The following CLCN3 variants were observed in gnomAD, a reference collection of about 807,000 sequenced individuals.
CLCN3 encodes the protein Cl-/H+ antiporter 3, also known as H(+)/Cl(-) exchange transporter 3.
CLCN3 carries 16 observed loss-of-function variants against 83.4 expected under a neutral mutation model. That is an observed-to-expected ratio of 0.19 (90% confidence interval 0.13 to 0.29). The LOEUF is 0.29. Among genes scored for constraint, CLCN3 ranks in the 10% least tolerant of loss-of-function variants. The pLI, the probability that CLCN3 is intolerant of heterozygous loss-of-function variation, is 1.00. For missense variants in CLCN3, 544 were observed against 1,006.0 expected (o/e 0.54, Z 6.21); for synonymous variants, 322 against 346.2 (o/e 0.93, Z 0.78).
rs769810828 is a variant in CLCN3, at chr4:169,687,659, T to C, written c.320T>C (p.Ile107Thr). 1 of 1,602,854 alleles carries C rather than the reference T, an allele frequency of 6.2e-7. No individual in the cohort carries two copies. The highest frequency in any genetic ancestry group is 1.1e-5 in the South Asian group (1 of 89,956). Residue 107 changes from isoleucine (I) to threonine (T), a missense_variant and splice_region_variant, in exon 4 of 13, where the codon ATC becomes ACC. Physicochemically the swap from Ile to Thr is moderately conservative, Grantham distance 89. This residue lies in a region of CLCN3 where 96 missense variants were observed against 202.1 expected (regional missense o/e 0.48). Transcript: ENST00000513761. ...AAGCATAAACATTTCTAATTTCAGA[T>C]CAACAGCAAAAAGAAAGAATCAGCA... Reference protein sequence around the residue: ...KCKDRERHRRINSKKKESAWE... With the variant: ...KCKDRERHRRTNSKKKESAWE...
chr4:169,672,070 G>C (rs1033358335), intron 2 of CLCN3, among the ~76,000 whole-genome samples: 1 of 151,920 alleles, frequency 6.6e-6, no homozygotes, highest in African/African-American at 2.4e-5. Flanking sequence ...AAATTAGCCG[G>C]GCGTGGTGGT....
intron 2 of CLCN3, among the ~76,000 whole-genome samples, chr4:169,673,564 A>C (rs1046931644): frequency 6.0e-5 from 9 of 149,392 alleles, no homozygotes; most frequent in African/African-American, 2.2e-4. Context: ...TAGAAATTTC[A>C]CTTTTTTTTT....
chr4:169,723,540 T>G lies in CLCN3; in HGVS notation c.*3543T>G, dbSNP rs1733702206. On this transcript the variant is annotated 3_prime_UTR_variant, in exon 13 of 13. Coordinates refer to ENST00000513761, the MANE Select transcript of CLCN3 (RefSeq NM_001829.4). Reference sequence around the variant, plus strand: ...TTTGCATGAAAAGAGGTAAAACGATTTATTTACATGTCTTTAAAAAATCAC... The same window carrying G: ...TTTGCATGAAAAGAGGTAAAACGATGTATTTACATGTCTTTAAAAAATCAC... 1 of 152,202 alleles carries G rather than the reference T, an allele frequency of 6.6e-6. No individual in the cohort carries two copies. The highest frequency in any genetic ancestry group is 2.4e-5 in the African/African-American group (1 of 41,456). 9.4% of individuals were successfully genotyped at this position (152,202 alleles called of 1,614,324 possible).
intron 3 of CLCN3, among the ~76,000 whole-genome samples, chr4:169,680,937 C>T (rs1731913320): frequency 6.6e-6 from 1 of 152,200 alleles, no homozygotes; most frequent in Non-Finnish European, 1.5e-5. Flanking sequence ...CACCCTCCGC[C>T]TCCTGGATTC....
rs182426229 is a variant in CLCN3, at chr4:169,620,590, C to A, written c.-490C>A. ...ACTCCTGCCGCTTCTCTTCCCCTTC[C>A]GTGGGTCAGGGCCGGTCCGGTCCGG... On this transcript the variant is annotated 5_prime_UTR_variant, in exon 1 of 13. Transcript: ENST00000513761. The A allele has an allele frequency of 1.0e-5, 4 of 396,918 alleles. No individual in the cohort carries two copies. The highest frequency in any genetic ancestry group is 6.2e-4 in the Middle Eastern group (1 of 1,606). The allele number at this position is 396,918 out of a possible 1,614,324, so 24.6% of individuals were successfully genotyped here.
chr4:169,648,287 G>A (rs62334535), intron 2 of CLCN3, among the ~76,000 whole-genome samples: 17,809 of 152,060 alleles, frequency 0.12, 1,144 homozygotes, highest in East Asian at 0.17. Context: ...TAACAATTGG[G>A]GAAACTATGA....
rs1011078600 is a variant in CLCN3 at position 169,647,392 on chromosome 4, GA to G, written c.160+11313del. Among the ~76,000 whole-genome samples the G allele has an allele frequency of 9.9e-5, 15 of 150,860 alleles. No individual in the cohort carries two copies. The South Asian group carries it at 3.1e-3, about 32-fold the overall frequency. On this transcript the variant is annotated intron_variant, in intron 2 of 12. Transcript: ENST00000513761. ...GTGACAGAGCAAGACCCCATCTCAA[GA>G]AAAAAAAATCTTATATAGTTAACTT...
At chr4:169,631,414 G>A (rs962215517) in intron 1 of CLCN3, among the ~76,000 whole-genome samples, 6 of 152,122 alleles carry the variant, frequency 3.9e-5, no homozygotes, top group African/African-American at 1.4e-4. Context: ...AGCCTCCGGA[G>A]TAGCTGGGAC....
rs561414549 is a variant in CLCN3 at position 169,704,166 on chromosome 4, G to A, written c.1732G>A (p.Gly578Ser). The change falls in exon 10 of 13, where the codon GGT (glycine) becomes AGT (serine). Residue 578 changes from glycine to serine, a missense_variant. Physicochemically the swap from Gly to Ser is moderately conservative, Grantham distance 56 (BLOSUM62 0). This residue lies in a region of CLCN3 where 27 missense variants were observed against 100.2 expected (regional missense o/e 0.27). Coordinates refer to ENST00000513761, the MANE Select transcript of CLCN3 (RefSeq NM_001829.4). ...TACACCTGGCCTTTATGCCATGGTTGGTGCTGCTGCATGCTTAGGTAATAT... is the reference window on the plus strand; with the variant it reads ...TACACCTGGCCTTTATGCCATGGTTAGTGCTGCTGCATGCTTAGGTAATAT... Reference protein sequence around the residue: ...CITPGLYAMVGAAACLGGVTR... With the variant: ...CITPGLYAMVSAAACLGGVTR... 6.2e-7 allele frequency: 1 copy of A among 1,612,588 alleles called. No individual in the cohort carries two copies. The highest frequency in any genetic ancestry group is 2.2e-5 in the East Asian group (1 of 44,870).
chr4:169,706,332 A>G (rs976812009), intron 10 of CLCN3, among the ~76,000 whole-genome samples: 5 of 152,124 alleles, frequency 3.3e-5, no homozygotes, highest in African/African-American at 4.8e-5. Flanking sequence ...GCCTGGCCCA[A>G]ATAGTTTTCT....
chr4:169,678,006 G>A (rs373380023), intron 2 of CLCN3, among the ~76,000 whole-genome samples: 50 of 152,246 alleles, frequency 3.3e-4, no homozygotes, highest in Middle Eastern at 3.4e-3. Context: ...TCTAATGAGG[G>A]AACCCGCCTG....
intron 12 of CLCN3, among the ~76,000 whole-genome samples, chr4:169,714,554 C>T (rs1221369168): frequency 6.6e-6 from 1 of 152,140 alleles, no homozygotes; most frequent in Non-Finnish European, 1.5e-5. Context: ...GACTGTCTTT[C>T]CTACTTTAAA....
chr4:169,635,109 T>C (rs1182035318), intron 1 of CLCN3, among the ~76,000 whole-genome samples: 1 of 152,172 alleles, frequency 6.6e-6, no homozygotes, highest in African/African-American at 2.4e-5. Context: ...TCTTCATCTG[T>C]CATTTTCTGT....
chr4:169,655,104 A>G (rs998232731), intron 2 of CLCN3, among the ~76,000 whole-genome samples: 4 of 152,080 alleles, frequency 2.6e-5, no homozygotes, highest in African/African-American at 9.7e-5. Flanking sequence ...TTATCTTACA[A>G]TCTACTTTGA....
intron 3 of CLCN3, among the ~76,000 whole-genome samples, chr4:169,683,836 C>T (rs1732045363): frequency 1.3e-5 from 2 of 151,944 alleles, no homozygotes; most frequent in Non-Finnish European, 2.9e-5. Context: ...CTCTGCCTTC[C>T]AGGCTCAAGC....
intron 2 of CLCN3, among the ~76,000 whole-genome samples, chr4:169,668,042 C>CTTT (rs780656327): frequency 6.4e-5 from 6 of 93,628 alleles, no homozygotes; most frequent in African/African-American, 2.6e-4. Context: ...CCCGGCCAGA[C>CTTT]ATTTTTTTTT....
At position 169,723,261 on chromosome 4, in the gene CLCN3, T is replaced by C. The variant is rs532931377; in HGVS notation, c.*3264T>C. 1.3e-5 allele frequency: 2 copies of C among 152,328 alleles called. No homozygotes were observed. Among genetic ancestry groups the C allele is most frequent in the East Asian group, 3.9e-4 (2 of 5,174 alleles). The allele number at this position is 152,328 out of a possible 1,614,324, so 9.4% of individuals were successfully genotyped here. A position where few individuals can be genotyped will look rare whatever the true frequency, so the allele number is the denominator to read the frequency against. On this transcript the variant is annotated 3_prime_UTR_variant, in exon 13 of 13. Coordinates refer to ENST00000513761, the MANE Select transcript of CLCN3 (RefSeq NM_001829.4). ...CTGCCCTACGCAGTGTAGGCCGATA[T>C]GCCTGGCACAGGGAGCCCCAAAAAG...
intron 1 of CLCN3, among the ~76,000 whole-genome samples, chr4:169,630,604 C>A (rs974812268): frequency 2.6e-5 from 4 of 151,988 alleles, no homozygotes; most frequent in African/African-American, 9.7e-5. Context: ...GATCTTGGCT[C>A]ACTGCAAACT....
At chr4:169,684,665 G>T (rs750471916) in intron 3 of CLCN3, among the ~76,000 whole-genome samples, 1 of 152,154 alleles carries the variant, frequency 6.6e-6, no homozygotes, top group East Asian at 1.9e-4. Context: ...TAGGCACTAG[G>T]TGATACTTGT....
Sources: allele counts gnomAD v4.1 joint callset (sites outside exome capture counted in the v4.1 genomes callset), GRCh38; gene constraint gnomAD v4.1.1; regional missense constraint gnomAD v4.1.1; transcripts MANE v1.5; gene names NCBI Gene and HGNC (gene_info 2026-07-23, HGNC 2026-07-21).